Variants in LIMCH1 observed in about 807,000 individuals in gnomAD.
LIMCH1 encodes the protein LIM and calponin homology domains 1.
LIMCH1 carries 113 observed loss-of-function variants against 176.5 expected under a neutral mutation model. That is an observed-to-expected ratio of 0.64 (90% confidence interval 0.55 to 0.75). The LOEUF is 0.75. Ranked by LOEUF, LIMCH1 falls within the 30% of genes least tolerant of loss-of-function variation. The probability of loss-of-function intolerance (pLI) is 0.00; values close to 1 mark genes in which losing one functional copy is unlikely to be tolerated. For synonymous variants in LIMCH1, 619 were observed against 645.9 expected (o/e 0.96, Z 0.63); for missense variants, 1,674 against 1,814.9 (o/e 0.92, Z 1.41).
intron 1 of LIMCH1, among the ~76,000 whole-genome samples, chr4:41,442,735 A>G (rs551453919): frequency 6.6e-6 from 1 of 152,342 alleles, no homozygotes; most frequent in Admixed American, 6.5e-5. Context: ...TGCAGTATGG[A>G]AATTAACTAT....
At chr4:41,396,432 T>G (rs2057805741) in intron 1 of LIMCH1, among the ~76,000 whole-genome samples, 1 of 152,350 alleles carries the variant, frequency 6.6e-6, no homozygotes, top group East Asian at 1.9e-4. Context: ...TATGCTGAGC[T>G]CAGAGCCCTT....
chr4:41,661,347 AC>A, intron 18 of LIMCH1, 72 bp from the exon 19 acceptor site: 1 of 1,099,364 alleles, frequency 9.1e-7, no homozygotes. Context: ...CCTAAAAATT[AC>A]TGCTTAAAAA....
At chr4:41,420,847 A>G (rs1318020380) in intron 1 of LIMCH1, among the ~76,000 whole-genome samples, 2 of 152,240 alleles carry the variant, frequency 1.3e-5, no homozygotes, top group Non-Finnish European at 2.9e-5. Flanking sequence ...CCTCATTGCA[A>G]GAACGCTGGA....
At chr4:41,611,991 A>G (rs2091473252) in intron 4 of LIMCH1, among the ~76,000 whole-genome samples, 1 of 152,076 alleles carries the variant, frequency 6.6e-6, no homozygotes, top group Non-Finnish European at 1.5e-5. Context: ...CCATAACTGG[A>G]ATTTCTGCCT....
chr4:41,651,199 T>C (rs1009569260), intron 18 of LIMCH1, among the ~76,000 whole-genome samples: 2 of 152,014 alleles, frequency 1.3e-5, no homozygotes, highest in Non-Finnish European at 2.9e-5. Context: ...AGAGACAGGT[T>C]TCACCATGTT....
At position 41,685,776 on chromosome 4, in the gene LIMCH1, T is replaced by TC. The variant is rs1450266638; in HGVS notation, c.4037dup (p.Leu1347AlafsTer3). The TC allele has an allele frequency of 6.2e-7, 1 of 1,613,510 alleles. No individual in the cohort carries two copies. Among genetic ancestry groups the TC allele is most frequent in the East Asian group, 2.2e-5 (1 of 44,840 alleles). On this transcript the variant is annotated frameshift_variant, in exon 28 of 32. Coordinates refer to ENST00000503057, the MANE Select transcript of LIMCH1 (RefSeq NM_001330672.2). LOFTEE classifies it high-confidence loss of function. ...TCAGAAGATGTGAAGCCAAAAACCC[T>TC]CCCGCTGGATAAAAGCATTAACCAT...
chr4:41,646,476 G>A lies in LIMCH1; in HGVS notation c.2412-9G>A. On this transcript the variant is annotated splice_polypyrimidine_tract_variant and intron_variant, in intron 16 of 31. Coordinates refer to ENST00000503057, the MANE Select transcript of LIMCH1 (RefSeq NM_001330672.2). ...TTGACTTTGTTATTGCTTCTCCCAT[G>A]TCCTTTAGAGAGCGGAGAGAGAGAG... 2 of 1,608,410 alleles carry A rather than the reference G, an allele frequency of 1.2e-6. No individual in the cohort carries two copies. Among genetic ancestry groups the A allele is most frequent in the African/African-American group, 1.3e-5 (1 of 74,790 alleles).
At chr4:41,695,457 C>T (rs982779962) in intron 31 of LIMCH1, among the ~76,000 whole-genome samples, 3 of 151,546 alleles carry the variant, frequency 2.0e-5, no homozygotes, top group Non-Finnish European at 2.9e-5. Flanking sequence ...GAATGAATAA[C>T]CCCTCTTTTT....
intron 26 of LIMCH1, among the ~76,000 whole-genome samples, chr4:41,683,104 T>A (rs1221763433): frequency 6.6e-6 from 1 of 151,624 alleles, no homozygotes; most frequent in African/African-American, 2.4e-5. Flanking sequence ...GTGTCTGGAG[T>A]GATAGAAATT....
At chr4:41,444,885 C>A (rs1053025537) in intron 1 of LIMCH1, among the ~76,000 whole-genome samples, 2 of 152,190 alleles carry the variant, frequency 1.3e-5, no homozygotes, top group African/African-American at 4.8e-5. Flanking sequence ...GATGGCCAGG[C>A]TACCAGACTG....
At position 41,694,290 on chromosome 4, in the gene LIMCH1, C is replaced by T. The variant is rs558366282; in HGVS notation, c.4378+1906C>T. Among the ~76,000 whole-genome samples the T allele has an allele frequency of 3.9e-5, 6 of 152,198 alleles. No individual in the cohort carries two copies. In the East Asian group the frequency reaches 1.2e-3, roughly 29 times the overall value. On this transcript the variant is annotated intron_variant, in intron 31 of 31. Transcript: ENST00000503057. ...ATAATGTTAGAAAAATTGAATTGTTCAGAAAGACACCACATTAAAAGGGCA... is the reference window on the plus strand; with the variant it reads ...ATAATGTTAGAAAAATTGAATTGTTTAGAAAGACACCACATTAAAAGGGCA...
At chr4:41,440,677 T>C (rs750935040) in intron 1 of LIMCH1, among the ~76,000 whole-genome samples, 11 of 152,040 alleles carry the variant, frequency 7.2e-5, no homozygotes, top group Non-Finnish European at 2.9e-5. Flanking sequence ...GGACTACAGG[T>C]GCACACCACC....
chr4:41,669,642 A>G (rs1159010668), intron 21 of LIMCH1, among the ~76,000 whole-genome samples: 1 of 152,186 alleles, frequency 6.6e-6, no homozygotes, highest in Non-Finnish European at 1.5e-5. Context: ...CAAAAATATC[A>G]CTGATTGATA....
intron 1 of LIMCH1, among the ~76,000 whole-genome samples, chr4:41,394,257 A>G (rs1316319527): frequency 1.3e-5 from 2 of 152,180 alleles, no homozygotes; most frequent in Non-Finnish European, 2.9e-5. Flanking sequence ...AGGAACGAAC[A>G]CTTTCCATAG....
chr4:41,615,194 G>A (rs2091929843), intron 5 of LIMCH1, among the ~76,000 whole-genome samples: 1 of 152,054 alleles, frequency 6.6e-6, no homozygotes, highest in Non-Finnish European at 1.5e-5. Flanking sequence ...TTAACCAAAC[G>A]ATTTCATACA....
chr4:41,554,611 TAGC>T (rs1290818808), intron 1 of LIMCH1, among the ~76,000 whole-genome samples: 1 of 152,168 alleles, frequency 6.6e-6, no homozygotes, highest in Non-Finnish European at 1.5e-5. Flanking sequence ...TTAGCTTACT[TAGC>T]AGATGAATTG....
At chr4:41,535,372 T>G (rs2077793713), upstream of LIMCH1, among the ~76,000 whole-genome samples, 1 of 152,054 alleles carries the variant, frequency 6.6e-6, no homozygotes, top group Admixed American at 6.6e-5. Flanking sequence ...AGAAATTTAT[T>G]TTGTCAATTC....
At chr4:41,474,973 T>G (rs1032914211) in intron 1 of LIMCH1, among the ~76,000 whole-genome samples, 3 of 151,884 alleles carry the variant, frequency 2.0e-5, no homozygotes, top group African/African-American at 7.3e-5. Flanking sequence ...AGGAGTATTA[T>G]TCAGCCTTAA....
At chr4:41,395,621 C>T (rs1455118182) in intron 1 of LIMCH1, among the ~76,000 whole-genome samples, 1 of 152,094 alleles carries the variant, frequency 6.6e-6, no homozygotes, top group East Asian at 1.9e-4. Context: ...CTATTAAATA[C>T]TTCTTGGTAG....
Sources: allele counts gnomAD v4.1 joint callset (sites outside exome capture counted in the v4.1 genomes callset), GRCh38; gene constraint gnomAD v4.1.1; transcripts MANE v1.5; gene names NCBI Gene and HGNC (gene_info 2026-07-23, HGNC 2026-07-21).